The following INVS variants were observed in gnomAD, a reference collection of about 807,000 sequenced individuals.
INVS encodes inversion of embryo turning homolog.
A neutral mutation model predicts 108.8 loss-of-function variants in INVS; 86 were observed. The observed-to-expected ratio is 0.79, with a 90% CI of 0.66 to 0.95. The LOEUF (loss-of-function observed/expected upper bound fraction) is 0.95, where lower values mean the gene tolerates loss of function less well. INVS is among the 40% of genes least tolerant of loss of function. The probability of loss-of-function intolerance (pLI) is 0.00; values close to 1 mark genes in which losing one functional copy is unlikely to be tolerated. For synonymous variants in INVS, 455 were observed against 473.5 expected (o/e 0.96, Z 0.51); for missense variants, 1,169 against 1,297.4 (o/e 0.90, Z 1.52).
intron 3 of INVS, among the ~76,000 whole-genome samples, chr9:100,206,659 C>T (rs1830685063): frequency 6.6e-6 from 1 of 151,934 alleles, no homozygotes; most frequent in East Asian, 1.9e-4. Flanking sequence ...CACAATCAGG[C>T]AGTTAACATA....
At chr9:100,284,738 A>G (rs1463061922) in intron 13 of INVS, 135 bp downstream of exon 13, 1 of 947,466 alleles carries the variant, frequency 1.1e-6, no homozygotes, top group Admixed American at 2.4e-5. Flanking sequence ...TTTGTGTTCT[A>G]CTTGTTTCCT....
intron 3 of INVS, among the ~76,000 whole-genome samples, chr9:100,199,445 C>T (rs142660805): frequency 6.6e-6 from 1 of 151,934 alleles, no homozygotes; most frequent in African/African-American, 2.4e-5. Flanking sequence ...GTTATTGCTC[C>T]TTTCAATCTG....
At position 100,166,128 on chromosome 9, in the gene INVS, G is replaced by A. The variant is rs529679765; in HGVS notation, c.273+39579G>A. On this transcript the variant is annotated intron_variant, in intron 3 of 16. Transcript: ENST00000262457. ...GAATGATAGAATATCACATTGTCTA[G>A]ATGAAAAACCTGAGATGCAAGAGCT... 2.0e-5 allele frequency among the ~76,000 whole-genome samples: 3 copies of A among 152,246 alleles called. No individual in the cohort carries two copies. In the East Asian group the frequency reaches 5.8e-4, roughly 29 times the overall value.
chr9:100,136,450 A>T (rs923896995), intron 3 of INVS, among the ~76,000 whole-genome samples: 3 of 152,176 alleles, frequency 2.0e-5, no homozygotes, highest in African/African-American at 7.2e-5. Flanking sequence ...TATCCCCACG[A>T]TATCATTGTA....
At position 100,100,839 on chromosome 9, in the gene INVS, T is replaced by TA. The variant is rs1826892775; in HGVS notation, c.-25+1424dup. Among the ~76,000 whole-genome samples the TA allele has an allele frequency of 8.3e-4, 12 of 14,514 alleles. 2 individuals are homozygous for TA. The highest frequency in any genetic ancestry group is 0.067 in the East Asian group (2 of 30). The allele number at this position is 14,514 out of a possible 152,430, so 9.5% of individuals were successfully genotyped here. A position where few individuals can be genotyped will look rare whatever the true frequency, so the allele number is the denominator to read the frequency against. ...ATATATAATATATGTATATATAATA[T>TA]ATATATAATATATGTATATATAATA... is the stretch of plus-strand genomic sequence containing the variant. On this transcript the variant is annotated intron_variant, in intron 1 of 16. Transcript: ENST00000262457.
chr9:100,206,797 A>G (rs1830689180), intron 3 of INVS, among the ~76,000 whole-genome samples: 1 of 151,452 alleles, frequency 6.6e-6, no homozygotes, highest in Non-Finnish European at 1.5e-5. Flanking sequence ...TTTAGTCTTC[A>G]TTAATCTGCA....
intron 11 of INVS, among the ~76,000 whole-genome samples, chr9:100,268,200 C>T (rs1259113061): frequency 6.6e-6 from 1 of 151,894 alleles, no homozygotes; most frequent in Non-Finnish European, 1.5e-5. Context: ...CGTATCCACC[C>T]TAAGTACAAT....
chr9:100,196,436 G>T (rs563798459), intron 3 of INVS, among the ~76,000 whole-genome samples: 1 of 152,196 alleles, frequency 6.6e-6, no homozygotes, highest in Admixed American at 6.6e-5. Flanking sequence ...AGAATACCTT[G>T]TGACTCTGGC....
rs527354022 is a variant in INVS, at chr9:100,135,215, G to C, written c.273+8666G>C. Among the ~76,000 whole-genome samples, 60 of 152,276 alleles carry C rather than the reference G, an allele frequency of 3.9e-4. No individual in the cohort carries two copies. In the South Asian group the frequency reaches 6.6e-3, roughly 17 times the overall value. On this transcript the variant is annotated intron_variant, in intron 3 of 16. Coordinates refer to ENST00000262457, the MANE Select transcript of INVS (RefSeq NM_014425.5). Reference sequence around the variant, plus strand: ...CAGAACTTGGTAGACATTATTTGTAGGGAAGGTAAGGGAGGACGGAACCAA... The same window carrying C: ...CAGAACTTGGTAGACATTATTTGTACGGAAGGTAAGGGAGGACGGAACCAA...
chr9:100,218,313 A>C (rs1311214540), intron 3 of INVS, among the ~76,000 whole-genome samples: 1 of 152,192 alleles, frequency 6.6e-6, no homozygotes, highest in Non-Finnish European at 1.5e-5. Flanking sequence ...TAATTGGAAA[A>C]CATGTAGGTC....
intron 2 of INVS, among the ~76,000 whole-genome samples, chr9:100,119,150 A>G (rs927475337): frequency 6.6e-6 from 1 of 152,214 alleles, no homozygotes; most frequent in Admixed American, 6.5e-5. Flanking sequence ...TTGATATCAT[A>G]CAATGTGAGT....
At chr9:100,218,741 G>T (rs1831060250) in intron 3 of INVS, among the ~76,000 whole-genome samples, 1 of 152,154 alleles carries the variant, frequency 6.6e-6, no homozygotes, top group East Asian at 1.9e-4. Context: ...TCACTATGAG[G>T]CTACAGCTTT....
chr9:100,125,191 T>C (rs1351292077), intron 2 of INVS, among the ~76,000 whole-genome samples: 1 of 152,176 alleles, frequency 6.6e-6, no homozygotes, highest in Non-Finnish European at 1.5e-5. Context: ...TGGAAAGGGG[T>C]AAAATACTAC....
chr9:100,103,100 G>T (rs991775659), intron 1 of INVS, among the ~76,000 whole-genome samples: 1 of 152,020 alleles, frequency 6.6e-6, no homozygotes, highest in East Asian at 1.9e-4. Context: ...TGATCTGCCC[G>T]CCTTGCCCTC....
chr9:100,254,276 C>A (rs1408219287), intron 10 of INVS, among the ~76,000 whole-genome samples: 1 of 151,966 alleles, frequency 6.6e-6, no homozygotes, highest in Non-Finnish European at 1.5e-5. Context: ...TGATTTTTTT[C>A]TTGTAAATTT....
At chr9:100,167,627 A>G (rs922556358) in intron 3 of INVS, among the ~76,000 whole-genome samples, 1 of 152,158 alleles carries the variant, frequency 6.6e-6, no homozygotes, top group Non-Finnish European at 1.5e-5. Context: ...ACTATCTAAA[A>G]TACTATATAT....
At chr9:100,292,230 T>C in intron 13 of INVS, 96 bp from the exon 14 acceptor site, 1 of 1,099,154 alleles carries the variant, frequency 9.1e-7, no homozygotes, top group Middle Eastern at 2.0e-4. Context: ...ATTATGGTGA[T>C]GATATAGGCT....
rs1190152641 is a variant in INVS, at chr9:100,099,275, C to T, written c.-166C>T. Reference sequence around the variant, plus strand: ...TGTGCGGCCGAAAGCCTCGGGCGGCCTTTTGAGGGGCTCGGCTAGCTTCAG... The same window carrying T: ...TGTGCGGCCGAAAGCCTCGGGCGGCTTTTTGAGGGGCTCGGCTAGCTTCAG... On this transcript the variant is annotated 5_prime_UTR_variant, in exon 1 of 17. Coordinates refer to ENST00000262457, the MANE Select transcript of INVS (RefSeq NM_014425.5). 2 of 161,598 alleles carry T rather than the reference C, an allele frequency of 1.2e-5. No individual in the cohort carries two copies. The highest frequency in any genetic ancestry group is 4.8e-5 in the African/African-American group (2 of 41,582). 10.0% of individuals were successfully genotyped at this position (161,598 alleles called of 1,614,324 possible).
At chr9:100,121,736 G>T (rs973386312) in intron 2 of INVS, among the ~76,000 whole-genome samples, 2 of 151,662 alleles carry the variant, frequency 1.3e-5, no homozygotes, top group African/African-American at 4.8e-5. Flanking sequence ...ACTTCCTTCT[G>T]CTTGTTTTGG....
Sources: allele counts gnomAD v4.1 joint callset (sites outside exome capture counted in the v4.1 genomes callset), GRCh38; gene constraint gnomAD v4.1.1; transcripts MANE v1.5; gene names NCBI Gene and HGNC (gene_info 2026-07-23, HGNC 2026-07-21).